Variants in RASGEF1A observed in about 807,000 individuals in gnomAD.
RASGEF1A encodes ras-GEF domain-containing family member 1A.
In RASGEF1A, 18 loss-of-function variants were observed where a neutral mutation model predicts 56.4. The observed-to-expected ratio is 0.32, with a 90% CI of 0.22 to 0.47. The LOEUF is 0.47. Ranked by LOEUF, RASGEF1A falls within the 20% of genes least tolerant of loss-of-function variation. RASGEF1A has a pLI of 1.00. For synonymous variants in RASGEF1A, 245 were observed against 242.6 expected, an observed-to-expected ratio of 1.01 and a Z score of -0.09; for missense variants, 422 against 627.1, an observed-to-expected ratio of 0.67 and a Z score of 3.49.
intron 1 of RASGEF1A, among the ~76,000 whole-genome samples, chr10:43,238,161 A>G (rs530914583): frequency 3.6e-3 from 130 of 36,112 alleles, no homozygotes; most frequent in African/African-American, 0.016. Context: ...ACAGAGTAAC[A>G]CCTGCCCCTC....
chr10:43,203,127 G>A (rs1394628496), intron 3 of RASGEF1A, among the ~76,000 whole-genome samples, 171 bp downstream of exon 3: 1 of 75,276 alleles, frequency 1.3e-5, no homozygotes, highest in Non-Finnish European at 2.6e-5. Context: ...CCCACCCCCT[G>A]GCCCCACCCT....
At position 43,266,957 on chromosome 10, in the gene RASGEF1A, C is replaced by T. The variant is rs1836636573; in HGVS notation, c.-119G>A. On this transcript the variant is annotated 5_prime_UTR_variant, in exon 1 of 13. Transcript: ENST00000395810. ...TGCTCGGCGCCCGGGCCCGCGGCAC[C>T]CGCCCACCCGCGGCCGCCCCCGCGC... 6.8e-6 allele frequency: 1 copy of T among 146,184 alleles called. No individual in the cohort carries two copies. Among genetic ancestry groups the T allele is most frequent in the Non-Finnish European group, 1.5e-5 (1 of 65,808 alleles). The allele number at this position is 146,184 out of a possible 1,614,324, so 9.1% of individuals were successfully genotyped here. A position where few individuals can be genotyped will look rare whatever the true frequency, so the allele number is the denominator to read the frequency against.
At position 43,196,029 on chromosome 10, in the gene RASGEF1A, C is replaced by A; in HGVS notation, c.*215G>T. 2.4e-6 allele frequency: 1 copy of A among 424,648 alleles called. No individual in the cohort carries two copies. The highest frequency in any genetic ancestry group is 4.2e-6 in the Non-Finnish European group (1 of 238,258). 26.3% of individuals were successfully genotyped at this position (424,648 alleles called of 1,614,324 possible). On this transcript the variant is annotated 3_prime_UTR_variant, in exon 13 of 13. Transcript: ENST00000395810. This position sits in a 1 kb window ranked among gnomAD's most constrained non-coding sequence, Gnocchi z 4.6. ...CCATGATACTCTCCCCTCCCCCTCC[C>A]CAAAGCAGGGCCCTGCCCTGTTATT...
chr10:43,212,152 C>G (rs1219203772), intron 1 of RASGEF1A, among the ~76,000 whole-genome samples: 1 of 152,168 alleles, frequency 6.6e-6, no homozygotes, highest in Admixed American at 6.5e-5. Context: ...AATCCTCACC[C>G]CAGAGGCACT....
chr10:43,198,227 A>G, intron 9 of RASGEF1A, 32 bp from the exon 10 acceptor site: 1 of 1,576,490 alleles, frequency 6.3e-7, no homozygotes, highest in South Asian at 1.1e-5. Flanking sequence ...GGTGAGCATC[A>G]CAGCCCCATG....
At chr10:43,202,710 A>G in intron 3 of RASGEF1A, 1 of 466,500 alleles carries the variant, frequency 2.1e-6, no homozygotes, top group Non-Finnish European at 4.4e-6. Context: ...CAGCCTCCAA[A>G]CCAGCGGATT....
In RASGEF1A at chr10:43,198,049, G is replaced by A. The variant is rs1564527361; in HGVS notation, c.1179C>T (p.His393=). The change falls in exon 10 of 13, where the codon CAC becomes CAT. Residue 393 remains histidine, a synonymous_variant. Transcript: ENST00000395810. Reference sequence around the variant, plus strand: ...TGGGCAGGTGGTTGGTATGGATTTTGTGCAGGAAGTAGATGTCCTTAACGA... The same window carrying A: ...TGGGCAGGTGGTTGGTATGGATTTTATGCAGGAAGTAGATGTCCTTAACGA... ...NLFVKDIYFL[H]KIHTNHLPNG... 3.1e-6 allele frequency: 5 copies of A among 1,614,014 alleles called. No homozygotes were observed. The highest frequency in any genetic ancestry group is 3.4e-6 in the Non-Finnish European group (4 of 1,179,864).
chr10:43,253,883 A>T (rs573789286), intron 1 of RASGEF1A, among the ~76,000 whole-genome samples: 4 of 152,368 alleles, frequency 2.6e-5, no homozygotes, highest in Non-Finnish European at 4.4e-5. Context: ...AGCAGCAATA[A>T]GAGGCAGGGG....
At position 43,196,746 on chromosome 10, in the gene RASGEF1A, T is replaced by G. The variant is rs1839804280; in HGVS notation, c.1349-198A>C. Among the ~76,000 whole-genome samples the G allele has an allele frequency of 6.6e-6, 1 of 152,198 alleles. No homozygotes were observed. The highest frequency in any genetic ancestry group is 2.1e-4 in the South Asian group (1 of 4,834). ...GTTCCTCGTGTTGCAGCACCTGACC[T>G]AAGCCCATGTGACCCTCTCCAGTGG... is the stretch of plus-strand genomic sequence containing the variant. On this transcript the variant is annotated intron_variant, in intron 11 of 12. Transcript: ENST00000395810. This position sits in a 1 kb window ranked among gnomAD's most constrained non-coding sequence, Gnocchi z 4.6.
At chr10:43,225,902 C>T (rs1382029154) in intron 1 of RASGEF1A, among the ~76,000 whole-genome samples, 3 of 152,118 alleles carry the variant, frequency 2.0e-5, no homozygotes, top group Non-Finnish European at 4.4e-5. Context: ...AGGAGGGCGG[C>T]GCTCTGACGC....
At chr10:43,206,486 G>A (rs150160378) in intron 1 of RASGEF1A, among the ~76,000 whole-genome samples, 1 of 152,222 alleles carries the variant, frequency 6.6e-6, no homozygotes, top group Admixed American at 6.5e-5. Flanking sequence ...CAACTGATGG[G>A]GCTGGCCGCG....
At chr10:43,236,426 G>C (rs1415032447) in intron 1 of RASGEF1A, among the ~76,000 whole-genome samples, 2 of 152,240 alleles carry the variant, frequency 1.3e-5, no homozygotes, top group Non-Finnish European at 2.9e-5. Flanking sequence ...GCATGGGTGT[G>C]TGTACATAGT....
intron 1 of RASGEF1A, among the ~76,000 whole-genome samples, chr10:43,212,293 A>G (rs927769061): frequency 4.6e-5 from 7 of 152,182 alleles, no homozygotes; most frequent in African/African-American, 1.7e-4. Flanking sequence ...TTCCCAATAA[A>G]GCGAGCACAG....
rs1839799019 is a variant in RASGEF1A at position 43,196,424 on chromosome 10, C to T, written c.1421+52G>A. 6.3e-7 allele frequency: 1 copy of T among 1,588,176 alleles called. No homozygotes were observed. Among genetic ancestry groups the T allele is most frequent in the Non-Finnish European group, 8.6e-7 (1 of 1,156,590 alleles). ...CCAGGAGGGTAACCCTCGTGCCCAC[C>T]CTGAGTCCTCCCTCTTCCTTACAGA... On this transcript the variant is annotated intron_variant, in intron 12 of 12. Transcript: ENST00000395810. The surrounding 1 kb of genome is among the most constrained non-coding windows in gnomAD (Gnocchi z 4.6).
In RASGEF1A at chr10:43,196,955, G is replaced by T; in HGVS notation, c.1348+21C>A. On this transcript the variant is annotated intron_variant, in intron 11 of 12. Coordinates refer to ENST00000395810, the MANE Select transcript of RASGEF1A (RefSeq NM_145313.4). This position sits in a 1 kb window ranked among gnomAD's most constrained non-coding sequence, Gnocchi z 4.6. ...AGTCAGGTGGGGTGGGAGGCATGCTGCGTTGGGAGGCAGCCCTCACCTTCC... is the reference window on the plus strand; with the variant it reads ...AGTCAGGTGGGGTGGGAGGCATGCTTCGTTGGGAGGCAGCCCTCACCTTCC... 6.2e-7 allele frequency: 1 copy of T among 1,611,558 alleles called. No homozygotes were observed.
At chr10:43,199,606 G>T in intron 7 of RASGEF1A, 70 bp downstream of exon 7, 1 of 1,261,330 alleles carries the variant, frequency 7.9e-7, no homozygotes. Context: ...TCTAATTCCT[G>T]GGGCAAGATC....
intron 1 of RASGEF1A, chr10:43,207,858 T>A: frequency 2.0e-6 from 1 of 498,062 alleles, no homozygotes; most frequent in Non-Finnish European, 2.6e-6. Context: ...ATGGTGAAAC[T>A]GAGGCCCAGT....
At chr10:43,210,503 C>CCT (rs905697981) in intron 1 of RASGEF1A, among the ~76,000 whole-genome samples, 1 of 152,158 alleles carries the variant, frequency 6.6e-6, no homozygotes, top group African/African-American at 2.4e-5. Flanking sequence ...CAGGGCAGGC[C>CCT]CTCAGCTGTA....
chr10:43,198,078 G>C lies in RASGEF1A; in HGVS notation c.1150C>G (p.Leu384Val). 6.2e-7 allele frequency: 1 copy of C among 1,614,202 alleles called. No homozygotes were observed. Among genetic ancestry groups the C allele is most frequent in the Non-Finnish European group, 8.5e-7 (1 of 1,179,996 alleles). ...REKIVIPVFN[L>V]FVKDIYFLHK... Reference sequence around the variant, plus strand: ...AGGAAGTAGATGTCCTTAACGAAGAGGTTGAACACAGGGATGACGATCTTT... The same window carrying C: ...AGGAAGTAGATGTCCTTAACGAAGACGTTGAACACAGGGATGACGATCTTT... Residue 384 changes from leucine to valine, a missense_variant, in exon 10 of 13, where the codon CTC (leucine) becomes GTC (valine). Around this residue, in one of 2 missense-constraint regions of RASGEF1A, gnomAD observed 149 missense variants for 287.2 expected, o/e 0.52. Coordinates refer to ENST00000395810, the MANE Select transcript of RASGEF1A (RefSeq NM_145313.4).
Sources: gnomAD v4.1 joint callset for allele counts (sites outside exome capture counted in the v4.1 genomes callset) on GRCh38, gnomAD v4.1.1 for gene constraint, gnomAD v4.1.1 regional missense constraint, Gnocchi (gnomAD v3.1) non-coding constraint, MANE v1.5 for transcripts, NCBI Gene and HGNC (gene_info 2026-07-23, HGNC 2026-07-21) for gene names.